MAP2: variants seen among roughly 807,000 people sequenced by gnomAD.
The protein encoded by MAP2 is microtubule associated protein 2.
In MAP2, 14 loss-of-function variants were observed where a neutral mutation model predicts 137.6. The observed-to-expected ratio is 0.10, with a 90% CI of 0.07 to 0.16. The LOEUF (loss-of-function observed/expected upper bound fraction) is 0.16, where lower values mean the gene tolerates loss of function less well. Ranked by LOEUF, MAP2 falls within the 10% of genes least tolerant of loss-of-function variation. The probability of loss-of-function intolerance (pLI) is 1.00; values close to 1 mark genes in which losing one functional copy is unlikely to be tolerated. For missense variants in MAP2, 2,088 were observed against 2,191.5 expected (o/e 0.95, Z 0.94); for synonymous variants, 786 against 782.3 (o/e 1.00, Z -0.08).
intron 2 of MAP2, among the ~76,000 whole-genome samples, chr2:209,567,128 G>T (rs563656368): frequency 6.6e-6 from 1 of 151,952 alleles, no homozygotes; most frequent in Non-Finnish European, 1.5e-5. Context: ...TACATACAAT[G>T]ATCTCAGTGA....
chr2:209,485,684 A>G (rs1161688622), intron 1 of MAP2, among the ~76,000 whole-genome samples: 1 of 152,236 alleles, frequency 6.6e-6, no homozygotes, highest in East Asian at 1.9e-4. Flanking sequence ...TAGAAGACCA[A>G]CAGATATAAG....
intron 3 of MAP2, among the ~76,000 whole-genome samples, chr2:209,592,970 G>T (rs13394033): frequency 0.047 from 7,079 of 151,314 alleles, 229 homozygotes; most frequent in African/African-American, 0.092. Context: ...TCCGTTCTAG[G>T]TTTTTTTTCC....
chr2:209,644,294 A>G (rs1206295782), intron 4 of MAP2, among the ~76,000 whole-genome samples: 2 of 152,164 alleles, frequency 1.3e-5, no homozygotes, highest in Admixed American at 1.3e-4. Context: ...CTAGACCTCT[A>G]TCACCCCATT....
intron 2 of MAP2, among the ~76,000 whole-genome samples, chr2:209,575,625 A>C (rs2075256141): frequency 6.6e-6 from 1 of 152,036 alleles, no homozygotes; most frequent in South Asian, 2.1e-4. Context: ...AATAGGGAAG[A>C]CAATATGGAA....
At chr2:209,665,103 T>C (rs1235420543) in intron 5 of MAP2, among the ~76,000 whole-genome samples, 1 of 151,572 alleles carries the variant, frequency 6.6e-6, no homozygotes, top group Non-Finnish European at 1.5e-5. Context: ...AGAAATTAGG[T>C]AGGAACTCCA....
chr2:209,626,178 G>A (rs897419280), intron 4 of MAP2, among the ~76,000 whole-genome samples: 1 of 152,104 alleles, frequency 6.6e-6, no homozygotes, highest in East Asian at 1.9e-4. Context: ...AGCACTTTGA[G>A]GCCAAGGTGG....
chr2:209,625,732 A>G (rs1381521588), intron 4 of MAP2, among the ~76,000 whole-genome samples: 1 of 152,196 alleles, frequency 6.6e-6, no homozygotes, highest in Non-Finnish European at 1.5e-5. Flanking sequence ...TTTTATCAAA[A>G]TTTATGGAAT....
intron 3 of MAP2, among the ~76,000 whole-genome samples, chr2:209,611,362 A>G (rs1430638363): frequency 6.6e-6 from 1 of 152,106 alleles, no homozygotes; most frequent in Middle Eastern, 3.2e-3. Context: ...ACATGTTTGG[A>G]AAGGTAACAT....
intron 12 of MAP2, 94 bp from the exon 13 acceptor site, chr2:209,709,820 A>G: frequency 1.2e-6 from 1 of 847,444 alleles, no homozygotes; most frequent in Non-Finnish European, 1.8e-6. Context: ...TAGAAATTAA[A>G]CGTATTATGA....
At chr2:209,701,137 G>C (rs1313227402) in intron 11 of MAP2, among the ~76,000 whole-genome samples, 1 of 151,758 alleles carries the variant, frequency 6.6e-6, no homozygotes, top group Non-Finnish European at 1.5e-5. Flanking sequence ...TAAAGTTTTT[G>C]CTGCATATTG....
At chr2:209,654,218 A>G (rs1391484952) in intron 5 of MAP2, among the ~76,000 whole-genome samples, 2 of 152,244 alleles carry the variant, frequency 1.3e-5, no homozygotes, top group Non-Finnish European at 2.9e-5. Context: ...CTGAACTATT[A>G]GCTCAAGATA....
intron 1 of MAP2, among the ~76,000 whole-genome samples, chr2:209,466,834 C>A (rs1397492529): frequency 6.6e-6 from 1 of 152,174 alleles, no homozygotes; most frequent in Non-Finnish European, 1.5e-5. Context: ...TTGCCACTTT[C>A]AAAATAAAAG....
intron 1 of MAP2, among the ~76,000 whole-genome samples, chr2:209,480,747 A>G (rs1456144350): frequency 6.6e-6 from 1 of 152,202 alleles, no homozygotes. Context: ...TTAGACGAAA[A>G]TATTAATGCA....
chr2:209,559,121 A>T (rs143817530), intron 2 of MAP2, among the ~76,000 whole-genome samples: 2 of 151,916 alleles, frequency 1.3e-5, no homozygotes, highest in African/African-American at 4.8e-5. Context: ...TTTAAAGTTT[A>T]TCATTCTTTC....
intron 1 of MAP2, among the ~76,000 whole-genome samples, chr2:209,480,325 G>T (rs1179459012): frequency 6.6e-6 from 1 of 152,084 alleles, no homozygotes; most frequent in Admixed American, 6.6e-5. Flanking sequence ...TCCATTCGGA[G>T]GGAAACTATT....
chr2:209,462,591 A>G (rs998829291), intron 1 of MAP2, among the ~76,000 whole-genome samples: 2 of 152,168 alleles, frequency 1.3e-5, no homozygotes, highest in African/African-American at 2.4e-5. Flanking sequence ...ACTGAAAACC[A>G]CTGACCAATT....
chr2:209,613,862 A>G (rs949233249), intron 3 of MAP2, among the ~76,000 whole-genome samples: 10 of 152,300 alleles, frequency 6.6e-5, no homozygotes, highest in African/African-American at 1.4e-4. Context: ...GGGTAACCCA[A>G]GCAAGGAGTC....
At chr2:209,617,591 A>T (rs867567511) in intron 3 of MAP2, among the ~76,000 whole-genome samples, 26 of 151,704 alleles carry the variant, frequency 1.7e-4, no homozygotes, top group Middle Eastern at 3.4e-3. Flanking sequence ...TCAAGGAGAG[A>T]CTCTTTGCTT....
chr2:209,522,357 T>C (rs987888934), intron 2 of MAP2, among the ~76,000 whole-genome samples: 1 of 152,096 alleles, frequency 6.6e-6, no homozygotes, highest in Non-Finnish European at 1.5e-5. Flanking sequence ...GTATCATAGA[T>C]GCAGGAAAAT....
Sources: gnomAD v4.1 joint callset for allele counts (sites outside exome capture counted in the v4.1 genomes callset) on GRCh38, gnomAD v4.1.1 for gene constraint, MANE v1.5 for transcripts, NCBI Gene and HGNC (gene_info 2026-07-23, HGNC 2026-07-21) for gene names.